Variants in TAC4 observed in about 807,000 individuals in gnomAD.
TAC4 encodes the protein tachykinin-4.
A neutral mutation model predicts 17.7 loss-of-function variants in TAC4; 17 were observed. The ratio of observed to expected loss-of-function variants is 0.96; its 90% confidence interval spans 0.66 to 1.44. The LOEUF (loss-of-function observed/expected upper bound fraction) is 1.44. Ranked by LOEUF, TAC4 falls within the 40% of genes most tolerant of loss-of-function variation. The pLI is 0.00. For missense variants in TAC4, 118 were observed against 125.6 expected, an observed-to-expected ratio of 0.94 and a Z score of 0.29; for synonymous variants, 62 against 52.4, an observed-to-expected ratio of 1.18 and a Z score of -0.79.
chr17:49,838,399 AGT>A lies in TAC4; in HGVS notation c.*241_*242del. ...GCTGTGCAGTGAGATGCCAACTCTG[AGT>A]GTGAGGGAGGGCAGAGTCAGTGCAG... is the stretch of plus-strand genomic sequence containing the variant. On this transcript the variant is annotated 3_prime_UTR_variant, in exon 5 of 5. Transcript: ENST00000436235. The A allele has an allele frequency of 3.4e-6, 2 of 589,820 alleles. No individual in the cohort carries two copies. Among genetic ancestry groups the A allele is most frequent in the South Asian group, 2.1e-5 (1 of 47,512 alleles). 36.5% of individuals were successfully genotyped at this position (589,820 alleles called of 1,614,324 possible).
At chr17:49,845,588 TGGGGAG>T (rs1007139218) in intron 1 of TAC4, among the ~76,000 whole-genome samples, 2 of 152,138 alleles carry the variant, frequency 1.3e-5, no homozygotes, top group Non-Finnish European at 2.9e-5. Flanking sequence ...GGGAGGGGGC[TGGGGAG>T]TCCCCTTTTC....
In TAC4 at chr17:49,841,610, C is replaced by T. The variant is rs202055234; in HGVS notation, c.200-26G>A. The T allele has an allele frequency of 9.1e-5, 141 of 1,550,918 alleles. No homozygotes were observed. In the African/African-American group the frequency reaches 1.8e-3, roughly 20 times the overall value. On this transcript the variant is annotated intron_variant, in intron 2 of 4. Coordinates refer to ENST00000436235, the MANE Select transcript of TAC4 (RefSeq NM_001077506.2). ...CTGGGGGAAGGAGAAGGAATGAGGA[C>T]TACGGACTGCACTGCTTCCCTGGGG...
At chr17:49,839,937 G>C in intron 3 of TAC4, 28 bp from the exon 4 acceptor site, 1 of 1,610,394 alleles carries the variant, frequency 6.2e-7, no homozygotes, top group Non-Finnish European at 8.5e-7. Context: ...AAGTGGTAGA[G>C]GAGAGAGGCA....
intron 1 of TAC4, among the ~76,000 whole-genome samples, chr17:49,844,857 A>C (rs1368992960): frequency 6.6e-6 from 1 of 152,216 alleles, no homozygotes; most frequent in Non-Finnish European, 1.5e-5. Context: ...CTGCAGTCAT[A>C]ATCTCATTTA....
chr17:49,846,331 C>T, intron 1 of TAC4: 1 of 952,050 alleles, frequency 1.1e-6, no homozygotes, highest in South Asian at 1.4e-5. Context: ...GGTTGGAGTG[C>T]AGCAGCACAA....
intron 2 of TAC4, among the ~76,000 whole-genome samples, chr17:49,843,690 T>C (rs2074514942): frequency 1.3e-5 from 2 of 152,146 alleles, no homozygotes; most frequent in Admixed American, 6.6e-5. Flanking sequence ...GCCTCCCAGG[T>C]TCAAGCAATT....
In TAC4 at chr17:49,847,976, G is replaced by T. The variant is rs770588810; in HGVS notation, c.42C>A (p.Ser14=). ...CLALLLLMEL[S]VCTVAGDGGE... The stretch of plus-strand genomic sequence containing the variant: ...CACCATCACCTGCCACAGTGCACAC[G>T]GACAGCTCCATCAGGAGAAGCAGGG... Residue 14 remains serine, a synonymous_variant, in exon 1 of 5, where the codon TCC becomes TCA. Transcript: ENST00000436235. 5 of 1,614,156 alleles carry T rather than the reference G, an allele frequency of 3.1e-6. No homozygotes were observed. The East Asian group carries it at 8.9e-5, about 29-fold the overall frequency.
At chr17:49,844,602 AC>A (rs1193165043) in intron 1 of TAC4, among the ~76,000 whole-genome samples, 1 of 152,156 alleles carries the variant, frequency 6.6e-6, no homozygotes, top group Non-Finnish European at 1.5e-5. Flanking sequence ...TAATAAAAAT[AC>A]AAAAATTAGC....
intron 1 of TAC4, chr17:49,846,986 C>G: frequency 1.6e-6 from 2 of 1,290,014 alleles, no homozygotes; most frequent in Non-Finnish European, 2.0e-6. Context: ...ACTCCTAGCC[C>G]TGCTGCCCTC....
At chr17:49,838,994 T>C (rs144563837) in intron 4 of TAC4, among the ~76,000 whole-genome samples, 1 of 152,180 alleles carries the variant, frequency 6.6e-6, no homozygotes, top group South Asian at 2.1e-4. Context: ...GGCTCTGTTA[T>C]CGGCTCACTG....
rs1219301486 is a variant in TAC4 at position 49,844,147 on chromosome 17, C to T, written c.116G>A (p.Gly39Asp). The T allele has an allele frequency of 1.2e-6, 2 of 1,613,646 alleles. No individual in the cohort carries two copies. Among genetic ancestry groups the T allele is most frequent in the Non-Finnish European group, 1.7e-6 (2 of 1,179,680 alleles). ...CTGCAGCTGGAGCTGAATGCTGGGG[C>T]CAGCGCCTTCCTGAAGAAGCAGAGA... Reference protein sequence around the residue: ...STEAETWEGAGPSIQLQLQEV... With the variant: ...STEAETWEGADPSIQLQLQEV... Residue 39 changes from glycine (G) to aspartate (D), a missense_variant, in exon 2 of 5, where the codon GGC becomes GAC. Coordinates refer to ENST00000436235, the MANE Select transcript of TAC4 (RefSeq NM_001077506.2).
chr17:49,845,199 C>T (rs971594370), intron 1 of TAC4, among the ~76,000 whole-genome samples: 34 of 152,328 alleles, frequency 2.2e-4, no homozygotes, highest in African/African-American at 8.2e-4. Flanking sequence ...AGAGCCTGGG[C>T]CTCCCGGAAG....
chr17:49,838,834 A>G (rs2074476248), intron 4 of TAC4, among the ~76,000 whole-genome samples, 161 bp from the exon 5 acceptor site: 2 of 152,086 alleles, frequency 1.3e-5, no homozygotes, highest in South Asian at 4.1e-4. Flanking sequence ...CTCATCTGTC[A>G]TATCTTCCAT....
chr17:49,841,533 A>G lies in TAC4; in HGVS notation c.232+19T>C. 2 of 1,568,212 alleles carry G rather than the reference A, an allele frequency of 1.3e-6. No homozygotes were observed. Among genetic ancestry groups the G allele is most frequent in the Non-Finnish European group, 1.7e-6 (2 of 1,158,630 alleles). ...CCTCCCTAGGGGGCATGTTGAAGGC[A>G]GGTTTGGGCAATACTTACCTTTTTT... On this transcript the variant is annotated intron_variant, in intron 3 of 4. Transcript: ENST00000436235.
chr17:49,843,111 T>G (rs2074510897), intron 2 of TAC4, among the ~76,000 whole-genome samples: 1 of 152,214 alleles, frequency 6.6e-6, no homozygotes, highest in African/African-American at 2.4e-5. Flanking sequence ...AAAGCGAGAC[T>G]CTGGGTCAGA....
intron 1 of TAC4, among the ~76,000 whole-genome samples, chr17:49,845,266 CGTT>C (rs1200042510): frequency 2.0e-5 from 3 of 152,202 alleles, no homozygotes; most frequent in Admixed American, 6.5e-5. Flanking sequence ...ACATTTTAAT[CGTT>C]GTGCTGATGG....
intron 3 of TAC4, among the ~76,000 whole-genome samples, chr17:49,840,143 C>T (rs1429786128): frequency 6.6e-6 from 1 of 152,246 alleles, no homozygotes; most frequent in East Asian, 1.9e-4. Context: ...TCTCCCTCTG[C>T]TCTCCCTTCA....
At chr17:49,846,108 G>T in intron 1 of TAC4, 1 of 787,280 alleles carries the variant, frequency 1.3e-6, no homozygotes, top group Non-Finnish European at 1.8e-6. Flanking sequence ...TGGTGGGGGG[G>T]CATTCGGAGA....
intron 1 of TAC4, among the ~76,000 whole-genome samples, chr17:49,844,755 T>A (rs2074524897): frequency 6.6e-6 from 1 of 152,078 alleles, no homozygotes; most frequent in Non-Finnish European, 1.5e-5. Context: ...AAGACTCCAT[T>A]TCAAAAAGAA....
Sources: gnomAD v4.1 joint callset for allele counts (sites outside exome capture counted in the v4.1 genomes callset) on GRCh38, gnomAD v4.1.1 for gene constraint, MANE v1.5 for transcripts, NCBI Gene and HGNC (gene_info 2026-07-23, HGNC 2026-07-21) for gene names.